Variants in MAST4 observed in about 807,000 individuals in gnomAD.
The protein encoded by MAST4 is microtubule associated serine/threonine kinase family member 4.
In MAST4, 89 loss-of-function variants were observed where a neutral mutation model predicts 162.7. The ratio of observed to expected loss-of-function variants is 0.55; its 90% confidence interval spans 0.46 to 0.65. The LOEUF is 0.65. MAST4 is among the 30% of genes least tolerant of loss of function. The pLI is 0.00. For missense variants in MAST4, 3,153 were observed against 3,374.0 expected (o/e 0.93, Z 1.62); for synonymous variants, 1,479 against 1,361.1 (o/e 1.09, Z -1.91).
chr5:67,003,043 G>A (rs985084797), intron 4 of MAST4, among the ~76,000 whole-genome samples: 80 of 151,376 alleles, frequency 5.3e-4, no homozygotes, highest in African/African-American at 1.9e-3. Flanking sequence ...TATGTCAACA[G>A]TGCTGAGGTC....
chr5:66,784,699 G>A lies in MAST4; in HGVS notation c.518-3971G>A, dbSNP rs138669031. 5.5e-3 allele frequency among the ~76,000 whole-genome samples: 832 copies of A among 152,260 alleles called. 7 individuals carry two copies. Among genetic ancestry groups the A allele is most frequent in the South Asian group, 0.051 (244 of 4,816 alleles). ...CCCGGCCTAAGAACCCAGTTACCGT[G>A]TTTTATTCTGTTGCTGTGGTGGTGG... is the stretch of plus-strand genomic sequence containing the variant. On this transcript the variant is annotated intron_variant, in intron 2 of 28. Coordinates refer to ENST00000403625, the MANE Select transcript of MAST4 (RefSeq NM_001164664.2).
At chr5:66,857,259 C>T (rs1290708786) in intron 3 of MAST4, among the ~76,000 whole-genome samples, 1 of 152,148 alleles carries the variant, frequency 6.6e-6, no homozygotes, top group Non-Finnish European at 1.5e-5. Flanking sequence ...GTTACTATTT[C>T]ATCTCATGAA....
chr5:66,599,355 T>C (rs1257869603), intron 1 of MAST4, among the ~76,000 whole-genome samples: 1 of 152,214 alleles, frequency 6.6e-6, no homozygotes. Context: ...TCGGGAATGC[T>C]GGGTGATAAA....
chr5:66,643,176 G>GA (rs1343413444), intron 1 of MAST4, among the ~76,000 whole-genome samples: 2 of 152,114 alleles, frequency 1.3e-5, no homozygotes, highest in Non-Finnish European at 2.9e-5. Flanking sequence ...GATAAACTTA[G>GA]AAAAAATCCG....
intron 4 of MAST4, among the ~76,000 whole-genome samples, chr5:67,031,256 A>G (rs906409639): frequency 6.6e-6 from 1 of 152,178 alleles, no homozygotes; most frequent in Non-Finnish European, 1.5e-5. Flanking sequence ...TGGCTAGTCC[A>G]GCAGAAAGCC....
chr5:66,937,924 T>C (rs1002955999), intron 4 of MAST4, among the ~76,000 whole-genome samples: 4 of 152,068 alleles, frequency 2.6e-5, no homozygotes, highest in African/African-American at 7.2e-5. Context: ...TATTTTAGTT[T>C]TGTTTTTATG....
At chr5:67,011,676 C>T (rs1752686572) in intron 4 of MAST4, among the ~76,000 whole-genome samples, 1 of 152,202 alleles carries the variant, frequency 6.6e-6, no homozygotes, top group Non-Finnish European at 1.5e-5. Context: ...GCTGTCCCAA[C>T]TGTGGCAGCA....
intron 5 of MAST4, among the ~76,000 whole-genome samples, chr5:67,078,911 A>ATATATATATATAT: frequency 2.6e-5 from 1 of 38,104 alleles, no homozygotes; most frequent in East Asian, 8.2e-4. Flanking sequence ...TTTTTATATA[A>ATATATATATATAT]ATATATATAT....
rs767673736 is a variant in MAST4, at chr5:67,166,375, G to A, written c.7196G>A (p.Arg2399Gln). The change falls in exon 29 of 29, where the codon CGG (arginine) becomes CAG (glutamine). Residue 2399 changes from arginine to glutamine, a missense_variant. Physicochemically the swap from Arg to Gln is conservative, Grantham distance 43 (BLOSUM62 1). Transcript: ENST00000403625. ...AGLSFVHSEN[R>Q]LKGAERPAAG... Reference sequence around the variant, plus strand: ...CTTTCCTTTGTGCATAGCGAGAACCGGTTGAAAGGCGCGGAGCGGCCAGCC... The same window carrying A: ...CTTTCCTTTGTGCATAGCGAGAACCAGTTGAAAGGCGCGGAGCGGCCAGCC... 1.9e-6 allele frequency: 3 copies of A among 1,611,324 alleles called. No individual in the cohort carries two copies. The East Asian group carries it at 6.7e-5, about 36-fold the overall frequency.
chr5:66,892,966 A>G (rs1177812527), intron 3 of MAST4, among the ~76,000 whole-genome samples: 1 of 152,208 alleles, frequency 6.6e-6, no homozygotes, highest in African/African-American at 2.4e-5. Context: ...CAGTCATATC[A>G]TGACTCGGAG....
intron 5 of MAST4, among the ~76,000 whole-genome samples, chr5:67,078,934 AT>A (rs1477403186): frequency 3.1e-5 from 3 of 97,808 alleles, no homozygotes; most frequent in African/African-American, 9.3e-5. Flanking sequence ...ATATATATAT[AT>A]ATATATATAT....
At chr5:67,162,888 G>A (rs1168400948) in intron 28 of MAST4, 100 bp downstream of exon 28, 2 of 1,273,980 alleles carry the variant, frequency 1.6e-6, no homozygotes, top group Non-Finnish European at 2.2e-6. Context: ...AAGAAAGCAG[G>A]TTGAAGGTGT....
At chr5:66,750,987 C>T (rs923480838) in intron 1 of MAST4, among the ~76,000 whole-genome samples, 1 of 152,134 alleles carries the variant, frequency 6.6e-6, no homozygotes, top group Non-Finnish European at 1.5e-5. Context: ...GGTCCCTGAC[C>T]CCTGACCCCC....
intron 1 of MAST4, among the ~76,000 whole-genome samples, chr5:66,714,733 G>C (rs1407620512): frequency 6.6e-6 from 1 of 152,124 alleles, no homozygotes; most frequent in Non-Finnish European, 1.5e-5. Context: ...CCACTTTTTG[G>C]ATAATGAATT....
intron 1 of MAST4, among the ~76,000 whole-genome samples, chr5:66,742,767 A>G (rs1051995275): frequency 1.3e-5 from 2 of 152,284 alleles, no homozygotes; most frequent in East Asian, 3.9e-4. Flanking sequence ...TCTTCTGGCA[A>G]GCGGAGGTGT....
intron 4 of MAST4, among the ~76,000 whole-genome samples, chr5:67,021,788 G>A (rs1386347886): frequency 6.6e-6 from 1 of 152,158 alleles, no homozygotes; most frequent in Non-Finnish European, 1.5e-5. Flanking sequence ...GGACTTCTGA[G>A]AGTTGCTAAA....
Position 67,036,449 on chromosome 5 carries a change from C to T in MAST4, c.675-17955C>T, listed in dbSNP as rs573172145. On this transcript the variant is annotated intron_variant, in intron 4 of 28. Coordinates refer to ENST00000403625, the MANE Select transcript of MAST4 (RefSeq NM_001164664.2). ...TATTATGATTTATGTACATTTTCTT[C>T]CTATTCATCTTCTTTGCATTCTCTA... Among the ~76,000 whole-genome samples, 4 of 152,246 alleles carry T rather than the reference C, an allele frequency of 2.6e-5. No homozygotes were observed. In the South Asian group the frequency reaches 6.2e-4, roughly 24 times the overall value.
At chr5:66,798,770 T>A (rs545125456) in intron 3 of MAST4, among the ~76,000 whole-genome samples, 1 of 152,172 alleles carries the variant, frequency 6.6e-6, no homozygotes, top group African/African-American at 2.4e-5. Context: ...TATCTCTTCA[T>A]TGCCTGTAAC....
At chr5:67,054,633 C>G (rs1050269932) in intron 5 of MAST4, 141 bp downstream of exon 5, 1 of 739,078 alleles carries the variant, frequency 1.4e-6, no homozygotes, top group Non-Finnish European at 2.2e-6. Flanking sequence ...TTGTTCTTTG[C>G]GATATGTTAG....
Sources: gnomAD v4.1 joint callset for allele counts (sites outside exome capture counted in the v4.1 genomes callset) on GRCh38, gnomAD v4.1.1 for gene constraint, MANE v1.5 for transcripts, NCBI Gene and HGNC (gene_info 2026-07-23, HGNC 2026-07-21) for gene names.